Variants in PCNX1 observed in about 807,000 individuals in gnomAD.
The protein encoded by PCNX1 is pecanex 1.
PCNX1 carries 78 observed loss-of-function variants against 242.2 expected under a neutral mutation model. The observed-to-expected ratio is 0.32, with a 90% confidence interval of 0.27 to 0.39. The LOEUF (loss-of-function observed/expected upper bound fraction) is 0.39, where lower values mean the gene tolerates loss of function less well. Among genes scored for constraint, PCNX1 ranks in the 10% least tolerant of loss-of-function variants. The probability of loss-of-function intolerance (pLI) is 1.00; values close to 1 mark genes in which losing one functional copy is unlikely to be tolerated. For synonymous variants in PCNX1, 1,024 were observed against 1,032.9 expected, an observed-to-expected ratio of 0.99 and a Z score of 0.17; for missense variants, 2,581 against 2,856.5, an observed-to-expected ratio of 0.90 and a Z score of 2.20.
chr14:70,986,648 A>T (rs1039163533), intron 6 of PCNX1, among the ~76,000 whole-genome samples: 41 of 152,308 alleles, frequency 2.7e-4, no homozygotes, highest in African/African-American at 9.4e-4. Flanking sequence ...TACTGCTTTT[A>T]TCCCAAATCC....
At chr14:71,071,197 A>G (rs1353497850) in intron 26 of PCNX1, among the ~76,000 whole-genome samples, 1 of 152,204 alleles carries the variant, frequency 6.6e-6, no homozygotes, top group Non-Finnish European at 1.5e-5. Context: ...GGAATGTTAT[A>G]GTTGGTTTGA....
At chr14:71,021,663 T>A (rs1299362799) in intron 12 of PCNX1, among the ~76,000 whole-genome samples, 5 of 152,212 alleles carry the variant, frequency 3.3e-5, no homozygotes, top group South Asian at 2.1e-4. Context: ...CTAATGATCA[T>A]TCTAATTGCT....
intron 30 of PCNX1, among the ~76,000 whole-genome samples, chr14:71,096,683 G>C (rs991008080): frequency 1.3e-5 from 2 of 152,096 alleles, no homozygotes; most frequent in African/African-American, 4.8e-5. Context: ...GAGAGTTGGT[G>C]TATGATATAC....
chr14:71,061,696 A>G (rs774588856), intron 26 of PCNX1, among the ~76,000 whole-genome samples: 14 of 152,354 alleles, frequency 9.2e-5, no homozygotes, highest in South Asian at 2.1e-4. Context: ...AAGACACTCA[A>G]GAGGTTCATC....
chr14:70,985,433 C>T (rs762475227), intron 6 of PCNX1, among the ~76,000 whole-genome samples: 4 of 152,068 alleles, frequency 2.6e-5, no homozygotes, highest in South Asian at 4.2e-4. Flanking sequence ...AGGCTGATCT[C>T]GAACTCCTGA....
chr14:70,927,428 A>G (rs2140135022), intron 1 of PCNX1, among the ~76,000 whole-genome samples: 1 of 152,322 alleles, frequency 6.6e-6, no homozygotes, highest in South Asian at 2.1e-4. Flanking sequence ...TGGATTATAC[A>G]GCATGCAATA....
intron 5 of PCNX1, among the ~76,000 whole-genome samples, chr14:70,973,010 G>T (rs73293828): frequency 0.032 from 4,818 of 152,260 alleles, 224 homozygotes; most frequent in African/African-American, 0.11. Flanking sequence ...CCAGCACTTC[G>T]AGAGGCCAAG....
At chr14:70,908,691 C>G (rs2055688153) in intron 1 of PCNX1, among the ~76,000 whole-genome samples, 1 of 151,058 alleles carries the variant, frequency 6.6e-6, no homozygotes. Context: ...GGCCGTGGTG[C>G]TTCCTGGCCT....
chr14:70,976,273 A>G (rs899881167), intron 5 of PCNX1, among the ~76,000 whole-genome samples: 2 of 152,176 alleles, frequency 1.3e-5, no homozygotes, highest in African/African-American at 4.8e-5. Flanking sequence ...ACAGGGGGGT[A>G]ACCCAAAGTT....
intron 19 of PCNX1, among the ~76,000 whole-genome samples, chr14:71,043,257 T>C (rs932623350): frequency 2.0e-5 from 3 of 152,162 alleles, no homozygotes; most frequent in African/African-American, 7.2e-5. Flanking sequence ...TTTTGACAGT[T>C]TGACTATAAT....
chr14:71,050,377 G>C (rs1015639316), intron 22 of PCNX1, among the ~76,000 whole-genome samples: 1 of 151,954 alleles, frequency 6.6e-6, no homozygotes, highest in African/African-American at 2.4e-5. Flanking sequence ...GCATAATATG[G>C]CCAGTAGAAG....
At chr14:70,999,579 TG>T (rs1259157932) in intron 8 of PCNX1, among the ~76,000 whole-genome samples, 1 of 152,176 alleles carries the variant, frequency 6.6e-6, no homozygotes, top group Non-Finnish European at 1.5e-5. Context: ...ATGCTTGAAT[TG>T]ATTTTCCTTA....
At chr14:71,002,084 C>G (rs1027275145) in intron 8 of PCNX1, among the ~76,000 whole-genome samples, 1 of 152,188 alleles carries the variant, frequency 6.6e-6, no homozygotes, top group Non-Finnish European at 1.5e-5. Context: ...TGGACAGAAG[C>G]CCAGCAGAAA....
In PCNX1 at chr14:71,103,399, A is replaced by G; in HGVS notation, c.5825A>G (p.Asn1942Ser). 2.5e-6 allele frequency: 4 copies of G among 1,613,894 alleles called. No homozygotes were observed. Among genetic ancestry groups the G allele is most frequent in the Non-Finnish European group, 3.4e-6 (4 of 1,179,800 alleles). Reference sequence around the variant, plus strand: ...CCCTTGTGTTCTGGTTTTCAGGTGAATAAGGAATGTGTCCGAGGTCTTTGG... The same window carrying G: ...CCCTTGTGTTCTGGTTTTCAGGTGAGTAAGGAATGTGTCCGAGGTCTTTGG... The part of the protein sequence containing the change: ...RYLSFRVIKV[N>S]KECVRGLWAG... The change falls in exon 32 of 36, where the codon AAT (asparagine) becomes AGT (serine). Residue 1942 changes from asparagine to serine, a missense_variant. Physicochemically the swap from Asn to Ser is conservative, Grantham distance 46 (BLOSUM62 1). This residue lies in a region of PCNX1 where 298 missense variants were observed against 480.1 expected (regional missense o/e 0.62). Transcript: ENST00000304743.
chr14:71,026,855 T>C lies in PCNX1; in HGVS notation c.3439T>C (p.Leu1147=), dbSNP rs760887189. ...NTFVMYLCEQ[L]DIHIFGGNAT... ...ATTTGTAATGTACCTTTGTGAACAATTGGATATTCATATTTTTGGTGGTAA... is the reference window on the plus strand; with the variant it reads ...ATTTGTAATGTACCTTTGTGAACAACTGGATATTCATATTTTTGGTGGTAA... Residue 1147 remains leucine (L), a synonymous_variant, in exon 15 of 36, where the codon TTG becomes CTG. Coordinates refer to ENST00000304743, the MANE Select transcript of PCNX1 (RefSeq NM_014982.3). 3 of 1,548,028 alleles carry C rather than the reference T, an allele frequency of 1.9e-6. No homozygotes were observed. Among genetic ancestry groups the C allele is most frequent in the Non-Finnish European group, 2.7e-6 (3 of 1,121,360 alleles).
Position 70,946,887 on chromosome 14 carries a change from G to A in PCNX1, c.154-28G>A, listed in dbSNP as rs749108499. 58 of 1,384,064 alleles carry A rather than the reference G, an allele frequency of 4.2e-5. No individual in the cohort carries two copies. In the Middle Eastern group the frequency reaches 2.3e-3, roughly 55 times the overall value. The allele number at this position is 1,384,064 out of a possible 1,614,324, so 85.7% of individuals were successfully genotyped here. ...AATACGATATAAAATATTTTAAAAT[G>A]TATTTCCTTATTTTCTTTCTCTTAA... On this transcript the variant is annotated intron_variant, in intron 1 of 35. Transcript: ENST00000304743.
At chr14:70,985,926 A>G (rs1435660779) in intron 6 of PCNX1, among the ~76,000 whole-genome samples, 1 of 150,614 alleles carries the variant, frequency 6.6e-6, no homozygotes, top group East Asian at 1.9e-4. Flanking sequence ...TTGGTTCACT[A>G]TTTTTCTTCT....
At chr14:71,014,639 T>A (rs1195835318) in intron 11 of PCNX1, among the ~76,000 whole-genome samples, 2 of 152,112 alleles carry the variant, frequency 1.3e-5, no homozygotes, top group Non-Finnish European at 2.9e-5. Flanking sequence ...AAGAAAAGAT[T>A]ATTGAACTCA....
rs565170596 is a variant in PCNX1 at position 71,073,291 on chromosome 14, C to CT, written c.4853-253dup. On this transcript the variant is annotated intron_variant, in intron 26 of 35. Transcript: ENST00000304743. ...CCAGCCTGGGCTACAGAGGGAGACTCTGTCTCAAAACAAACAAAAAAAGCG... is the reference window on the plus strand; with the variant it reads ...CCAGCCTGGGCTACAGAGGGAGACTCTTGTCTCAAAACAAACAAAAAAAGCG... Among the ~76,000 whole-genome samples the CT allele has an allele frequency of 1.3e-4, 20 of 152,298 alleles. No individual in the cohort carries two copies. The East Asian group carries it at 3.7e-3, about 28-fold the overall frequency.
Sources: gnomAD v4.1 joint callset for allele counts (sites outside exome capture counted in the v4.1 genomes callset) on GRCh38, gnomAD v4.1.1 for gene constraint, gnomAD v4.1.1 regional missense constraint, MANE v1.5 for transcripts, NCBI Gene and HGNC (gene_info 2026-07-23, HGNC 2026-07-21) for gene names.